The following SYNPR variants were observed in gnomAD, a reference collection of about 807,000 sequenced individuals.
SYNPR encodes synaptoporin.
In SYNPR, 23 loss-of-function variants were observed where a neutral mutation model predicts 32.9. That is an observed-to-expected ratio of 0.70 (90% confidence interval 0.50 to 0.99). SYNPR has a LOEUF of 0.99. SYNPR is among the 50% of genes least tolerant of loss of function. The probability of loss-of-function intolerance (pLI) is 0.00; values close to 1 mark genes in which losing one functional copy is unlikely to be tolerated. For missense variants in SYNPR, 318 were observed against 349.3 expected, an observed-to-expected ratio of 0.91 and a Z score of 0.71; for synonymous variants, 146 against 135.9, an observed-to-expected ratio of 1.07 and a Z score of -0.52.
chr3:63,538,474 T>C (rs1052214574), intron 3 of SYNPR, among the ~76,000 whole-genome samples: 1 of 152,082 alleles, frequency 6.6e-6, no homozygotes, highest in African/African-American at 2.4e-5. Context: ...CTCCAACTAG[T>C]ATTTTGCAAA....
intron 4 of SYNPR, among the ~76,000 whole-genome samples, chr3:63,606,417 C>CTTT (rs61299069): frequency 0.084 from 5,688 of 67,994 alleles, 1,001 homozygotes; most frequent in East Asian, 0.23. Flanking sequence ...CAAATCCTTT[C>CTTT]TTTTTTTTTT....
At chr3:63,438,766 T>C (rs1215441667) in intron 2 of SYNPR, among the ~76,000 whole-genome samples, 1 of 152,220 alleles carries the variant, frequency 6.6e-6, no homozygotes, top group Admixed American at 6.5e-5. Context: ...GATTTCAAGG[T>C]TGTTCCATAA....
intron 4 of SYNPR, among the ~76,000 whole-genome samples, chr3:63,608,395 T>A (rs892828858): frequency 6.6e-6 from 1 of 152,196 alleles, no homozygotes; most frequent in Non-Finnish European, 1.5e-5. Context: ...GTTTCAGTTT[T>A]CTCCTCTTTA....
the SYNPR span, among the ~76,000 whole-genome samples, chr3:63,222,011 AT>A: frequency 0.11 from 6,313 of 56,124 alleles, 238 homozygotes; most frequent in Middle Eastern, 0.15. Flanking sequence ...GCCATGCTCA[AT>A]TTTTTTTTTT....
chr3:63,354,686 C>A (rs537312610), intron 2 of SYNPR, among the ~76,000 whole-genome samples: 1 of 152,184 alleles, frequency 6.6e-6, no homozygotes, highest in Non-Finnish European at 1.5e-5. Flanking sequence ...TGTGTTCTTA[C>A]AAAGACGCCT....
rs1699913819 is a variant in SYNPR, at chr3:63,595,291, A to AT, written c.409-13834_409-13833insT. On this transcript the variant is annotated intron_variant, in intron 4 of 5. Transcript: ENST00000478300. Reference sequence around the variant, plus strand: ...TCAATTTCTCCTCTCTAGTAAAGATAAGCAAACTTGATGGCTTGACCACTC... The same window carrying AT: ...TCAATTTCTCCTCTCTAGTAAAGATATAGCAAACTTGATGGCTTGACCACTC... 3.9e-5 allele frequency among the ~76,000 whole-genome samples: 6 copies of AT among 152,218 alleles called. No homozygotes were observed. The South Asian group carries it at 1.2e-3, about 32-fold the overall frequency.
chr3:63,594,097 T>C (rs1699892061), intron 4 of SYNPR, among the ~76,000 whole-genome samples: 2 of 152,146 alleles, frequency 1.3e-5, no homozygotes, highest in Non-Finnish European at 2.9e-5. Context: ...ATTTGTAAAA[T>C]AGAAAAACTA....
chr3:63,294,874 A>G (rs1249327852), intron 2 of SYNPR, among the ~76,000 whole-genome samples: 1 of 152,168 alleles, frequency 6.6e-6, no homozygotes, highest in African/African-American at 2.4e-5. Flanking sequence ...ATTGCACTTC[A>G]TGTATATATG....
chr3:63,230,303 C>G (rs529260769), intron 1 of SYNPR, among the ~76,000 whole-genome samples: 8 of 152,112 alleles, frequency 5.3e-5, no homozygotes, highest in Non-Finnish European at 1.0e-4. Flanking sequence ...TTTATTCTTT[C>G]TGTTTACAGA....
At chr3:63,332,718 C>A (rs781250237) in intron 2 of SYNPR, among the ~76,000 whole-genome samples, 2 of 152,146 alleles carry the variant, frequency 1.3e-5, no homozygotes, top group African/African-American at 4.8e-5. Flanking sequence ...TGAATTGAAG[C>A]CCAGAGTGGT....
intron 3 of SYNPR, among the ~76,000 whole-genome samples, chr3:63,523,002 T>C (rs1467134166): frequency 2.0e-5 from 3 of 152,052 alleles, no homozygotes; most frequent in Non-Finnish European, 2.9e-5. Flanking sequence ...GAGGCTGATG[T>C]GAGTCCAGAA....
chr3:63,230,639 A>C (rs1264488597), intron 1 of SYNPR, among the ~76,000 whole-genome samples: 1 of 152,172 alleles, frequency 6.6e-6, no homozygotes, highest in Non-Finnish European at 1.5e-5. Flanking sequence ...CAGCACTTGG[A>C]CTTTGCCTAC....
At chr3:63,403,523 A>T (rs931989959) in intron 2 of SYNPR, among the ~76,000 whole-genome samples, 9 of 151,868 alleles carry the variant, frequency 5.9e-5, no homozygotes, top group Non-Finnish European at 8.8e-5. Flanking sequence ...TAACCCCACA[A>T]AGTGGGTACA....
In SYNPR at chr3:63,278,438, C is replaced by T. The variant is rs977719863; in HGVS notation, c.-96C>T. 2.8e-6 allele frequency: 4 copies of T among 1,443,856 alleles called. No homozygotes were observed. The highest frequency in any genetic ancestry group is 3.7e-6 in the Non-Finnish European group (4 of 1,084,184). The allele number at this position is 1,443,856 out of a possible 1,614,324, so 89.4% of individuals were successfully genotyped here. On this transcript the variant is annotated 5_prime_UTR_variant, in exon 1 of 6. Coordinates refer to ENST00000478300, the MANE Select transcript of SYNPR (RefSeq NM_001130003.2). ...CTCCAGGGTGTCGCTCCTCTGGCTG[C>T]TCCCGAAGGGGCTTCTGGCCCTGAG... is the stretch of plus-strand genomic sequence containing the variant.
upstream of SYNPR, among the ~76,000 whole-genome samples, chr3:63,225,800 A>G (rs1365973780): frequency 1.3e-5 from 2 of 152,230 alleles, no homozygotes; most frequent in African/African-American, 4.8e-5. Context: ...ACACATATAC[A>G]GGTGGGACTA....
rs58518516 is a variant in SYNPR, at chr3:63,258,400, A to T, written n.154+5814A>T. Among the ~76,000 whole-genome samples, 38 of 152,270 alleles carry T rather than the reference A, an allele frequency of 2.5e-4. 1 individual carries two copies. In the South Asian group the frequency reaches 7.9e-3, roughly 32 times the overall value. On this transcript the variant is annotated intron_variant and non_coding_transcript_variant, in intron 2 of 4. Transcript: ENST00000478456. Reference sequence around the variant, plus strand: ...CAGACCACAGTGCGATCAAACTAGAACTCAGGATTAAGAAACTCACTCAAA... The same window carrying T: ...CAGACCACAGTGCGATCAAACTAGATCTCAGGATTAAGAAACTCACTCAAA...
At chr3:63,469,299 T>C (rs559180405) in intron 2 of SYNPR, among the ~76,000 whole-genome samples, 2 of 152,274 alleles carry the variant, frequency 1.3e-5, no homozygotes, top group African/African-American at 4.8e-5. Context: ...GGGTAGTTCA[T>C]TCCAGCATAT....
chr3:63,498,272 CA>C lies in SYNPR; in HGVS notation c.209+17321del, dbSNP rs141779078. 8.3e-3 allele frequency among the ~76,000 whole-genome samples: 1,268 copies of C among 152,154 alleles called. 60 individuals are homozygous for C. The East Asian group carries it at 0.13, about 16-fold the overall frequency. ...TCAATAATTTATAAATGGTTCCTGG[CA>C]AAAAGACTCGTTCATTCATAGAGCA... On this transcript the variant is annotated intron_variant, in intron 3 of 5. Coordinates refer to ENST00000478300, the MANE Select transcript of SYNPR (RefSeq NM_001130003.2).
intron 3 of SYNPR, among the ~76,000 whole-genome samples, chr3:63,544,331 T>G (rs1702361289): frequency 6.6e-6 from 1 of 152,116 alleles, no homozygotes; most frequent in Non-Finnish European, 1.5e-5. Context: ...AATGTTTTCT[T>G]GTGTCTTAGA....
Sources: allele counts gnomAD v4.1 joint callset (sites outside exome capture counted in the v4.1 genomes callset), GRCh38; gene constraint gnomAD v4.1.1; transcripts MANE v1.5; gene names NCBI Gene and HGNC (gene_info 2026-07-23, HGNC 2026-07-21).